Variants in SESN1 observed in about 807,000 individuals in gnomAD.
SESN1 encodes sestrin 1, also known as sestrin-1.
A neutral mutation model predicts 59.3 loss-of-function variants in SESN1; 30 were observed. The ratio of observed to expected loss-of-function variants is 0.51; its 90% CI spans 0.38 to 0.69. The LOEUF is 0.69. Among genes scored for constraint, SESN1 ranks in the 30% least tolerant of loss-of-function variants. The probability of loss-of-function intolerance (pLI) is 0.00; values close to 1 mark genes in which losing one functional copy is unlikely to be tolerated. For missense variants in SESN1, 566 were observed against 673.0 expected, an observed-to-expected ratio of 0.84 and a Z score of 1.76; for synonymous variants, 197 against 219.9, an observed-to-expected ratio of 0.90 and a Z score of 0.92.
rs760197100 is a variant in SESN1 at position 109,000,588 on chromosome 6, T to C, written c.632A>G (p.Asn211Ser). The C allele has an allele frequency of 2.9e-5, 47 of 1,612,602 alleles. No homozygotes were observed. Among genetic ancestry groups the C allele is most frequent in the African/African-American group, 1.3e-4 (10 of 74,886 alleles). Residue 211 changes from asparagine to serine, a missense_variant, in exon 4 of 10, where the codon AAT becomes AGT. Physicochemically the swap from Asn to Ser is conservative, Grantham distance 46 (BLOSUM62 1). Coordinates refer to ENST00000436639, the MANE Select transcript of SESN1 (RefSeq NM_014454.3). Reference protein sequence around the residue: ...LHVGGDPKWLNGLENAPQKLQ... With the variant: ...LHVGGDPKWLSGLENAPQKLQ... ...TTTTTGAGGAGCATTCTCTAAACCATTGAGCCACTTGGGGTCCCCACCAAC... is the reference window on the plus strand; with the variant it reads ...TTTTTGAGGAGCATTCTCTAAACCACTGAGCCACTTGGGGTCCCCACCAAC...
chr6:108,990,638 G>A lies in SESN1; in HGVS notation c.1424+7C>T. Reference sequence around the variant, plus strand: ...CATCTCTTTATAAACACAGAAAGAAGACTAACCTTATTCCAAACATGCAGT... The same window carrying A: ...CATCTCTTTATAAACACAGAAAGAAAACTAACCTTATTCCAAACATGCAGT... On this transcript the variant is annotated splice_region_variant and intron_variant, in intron 8 of 9. Coordinates refer to ENST00000436639, the MANE Select transcript of SESN1 (RefSeq NM_014454.3). 6.2e-7 allele frequency: 1 copy of A among 1,613,326 alleles called. No individual in the cohort carries two copies. The highest frequency in any genetic ancestry group is 8.5e-7 in the Non-Finnish European group (1 of 1,179,566).
chr6:109,009,360 T>A (rs1191728782), intron 1 of SESN1: 2 of 1,468,890 alleles, frequency 1.4e-6, no homozygotes, highest in Admixed American at 2.4e-5. Flanking sequence ...CCCAGGTACC[T>A]CGTCCTGGTC....
At chr6:109,042,595 C>T (rs1031513441) in intron 1 of SESN1, among the ~76,000 whole-genome samples, 3 of 150,742 alleles carry the variant, frequency 2.0e-5, no homozygotes, top group Admixed American at 2.0e-4. Flanking sequence ...ACATTCTATA[C>T]TCATACATTT....
intron 1 of SESN1, among the ~76,000 whole-genome samples, chr6:109,065,744 A>G (rs1486368270): frequency 2.6e-5 from 4 of 152,066 alleles, no homozygotes; most frequent in Non-Finnish European, 1.5e-5. Context: ...TTGGTGTCTT[A>G]AAATACTGAC....
chr6:109,039,305 T>C (rs976604669), intron 1 of SESN1, among the ~76,000 whole-genome samples: 1 of 152,220 alleles, frequency 6.6e-6, no homozygotes, highest in Non-Finnish European at 1.5e-5. Flanking sequence ...ATATACTGCA[T>C]AAATCATTTA....
intron 1 of SESN1, among the ~76,000 whole-genome samples, chr6:109,004,899 G>A (rs1327925845): frequency 6.6e-6 from 1 of 152,220 alleles, no homozygotes; most frequent in African/African-American, 2.4e-5. Flanking sequence ...CTGTATTGGA[G>A]AAAGGGTAGA....
chr6:109,000,417 G>A (rs111495028), intron 4 of SESN1, 74 bp downstream of exon 4: 5 of 1,188,402 alleles, frequency 4.2e-6, no homozygotes, highest in African/African-American at 3.1e-5. Flanking sequence ...CTTTCTGTGC[G>A]ATTTTTCTGT....
Position 108,994,534 on chromosome 6 carries a change from C to G in SESN1, c.1048G>C (p.Glu350Gln). Residue 350 changes from glutamate (E) to glutamine (Q), a missense_variant, in exon 6 of 10, where the codon GAG (glutamate) becomes CAG (glutamine). Physicochemically the swap from Glu to Gln is conservative, Grantham distance 29 (BLOSUM62 2). Coordinates refer to ENST00000436639, the MANE Select transcript of SESN1 (RefSeq NM_014454.3). ...RQLQECRDEE[E>Q]ASQEEMASRF... The stretch of plus-strand genomic sequence containing the variant: ...GAAGCCATCTCTTCCTGACTTGCCT[C>G]TTCTTCATCTCGACATTCCTGTAAC... 4 of 1,613,558 alleles carry G rather than the reference C, an allele frequency of 2.5e-6. No homozygotes were observed. Among genetic ancestry groups the G allele is most frequent in the Non-Finnish European group, 3.4e-6 (4 of 1,179,740 alleles).
At chr6:109,034,900 G>A (rs1780229448) in intron 1 of SESN1, among the ~76,000 whole-genome samples, 1 of 152,160 alleles carries the variant, frequency 6.6e-6, no homozygotes, top group Non-Finnish European at 1.5e-5. Flanking sequence ...TATTTACAAG[G>A]AAGAAAAATA....
intron 5 of SESN1, among the ~76,000 whole-genome samples, chr6:108,996,887 C>T (rs1330750846): frequency 2.0e-5 from 3 of 152,048 alleles, no homozygotes; most frequent in Admixed American, 2.0e-4. Context: ...AAGCCATGAA[C>T]AGACATGGAA....
chr6:109,090,473 AAC>A (rs1781293527), intron 1 of SESN1: 2 of 152,214 alleles, frequency 1.3e-5, no homozygotes, highest in Admixed American at 1.3e-4. Context: ...TGATAATATA[AAC>A]AGTCAATTAA....
chr6:109,006,557 G>A (rs574412958), intron 1 of SESN1, among the ~76,000 whole-genome samples: 1 of 151,840 alleles, frequency 6.6e-6, no homozygotes, highest in South Asian at 2.1e-4. Context: ...ACTAGTGAGT[G>A]GTGGAGACGG....
chr6:109,019,544 T>C (rs1779976966), intron 1 of SESN1, among the ~76,000 whole-genome samples: 1 of 152,234 alleles, frequency 6.6e-6, no homozygotes, highest in Non-Finnish European at 1.5e-5. Context: ...ACCTAAAGCA[T>C]TATCAGTCCT....
intron 1 of SESN1, among the ~76,000 whole-genome samples, chr6:109,076,664 T>C (rs1781037071): frequency 6.6e-6 from 1 of 152,142 alleles, no homozygotes; most frequent in Non-Finnish European, 1.5e-5. Context: ...CAACAGAACA[T>C]TAATTACTTC....
chr6:109,079,008 C>G (rs950422907), intron 1 of SESN1, among the ~76,000 whole-genome samples: 1 of 151,722 alleles, frequency 6.6e-6, no homozygotes. Flanking sequence ...CTTCCAAATT[C>G]AAAGAGGGAG....
At chr6:109,050,983 G>A (rs1193875571) in intron 1 of SESN1, among the ~76,000 whole-genome samples, 1 of 152,132 alleles carries the variant, frequency 6.6e-6, no homozygotes. Context: ...GGTTAAAGTT[G>A]TTCAATTAGC....
At chr6:109,006,472 C>CCACCTGTGTGG (rs1779735818) in intron 1 of SESN1, among the ~76,000 whole-genome samples, 1 of 147,382 alleles carries the variant, frequency 6.8e-6, no homozygotes, top group Non-Finnish European at 1.5e-5. Flanking sequence ...CGACAGGCCC[C>CCACCTGTGTGG]GGTGTGTGAT....
Position 109,093,982 on chromosome 6 carries a change from G to T in SESN1, c.92C>A (p.Thr31Asn), listed in dbSNP as rs748087513. 4 of 1,614,150 alleles carry T rather than the reference G, an allele frequency of 2.5e-6. No homozygotes were observed. In the East Asian group the frequency reaches 6.7e-5, roughly 27 times the overall value. The change falls in exon 1 of 10, where the codon ACC becomes AAC. Residue 31 changes from threonine (T) to asparagine (N), a missense_variant. By Grantham distance (65) the Thr-to-Asn change is moderately conservative (BLOSUM62 0). Transcript: ENST00000436639. ...AAGATACTCGGTTTTCCTCAAAATG[G>T]TTTGCCTAATGTTTTCCAATGCTGT... is the stretch of plus-strand genomic sequence containing the variant. Reference protein sequence around the residue: ...RETALENIRQTILRKTEYLRS... With the variant: ...RETALENIRQNILRKTEYLRS...
chr6:109,004,737 T>C (rs1779695505), intron 1 of SESN1, among the ~76,000 whole-genome samples: 1 of 151,482 alleles, frequency 6.6e-6, no homozygotes, highest in South Asian at 2.1e-4. Flanking sequence ...CCAACAATCG[T>C]ATTTTAAAAA....
Sources: allele counts gnomAD v4.1 joint callset (sites outside exome capture counted in the v4.1 genomes callset), GRCh38; gene constraint gnomAD v4.1.1; transcripts MANE v1.5; gene names NCBI Gene and HGNC (gene_info 2026-07-23, HGNC 2026-07-21).